The following KCNIP4 variants were observed in gnomAD, a reference collection of about 807,000 sequenced individuals.
The protein encoded by KCNIP4 is potassium voltage-gated channel interacting protein 4.
Under a neutral mutation model 34.0 loss-of-function variants are expected in KCNIP4, and 12 were observed. The observed-to-expected ratio is 0.35, with a 90% CI of 0.23 to 0.57. The LOEUF is 0.57. Ranked by LOEUF, KCNIP4 falls within the 20% of genes least tolerant of loss-of-function variation. The pLI, the probability that KCNIP4 is intolerant of heterozygous loss-of-function variation, is 0.83. For missense variants in KCNIP4, 238 were observed against 311.7 expected, an observed-to-expected ratio of 0.76 and a Z score of 1.78; for synonymous variants, 124 against 102.2, an observed-to-expected ratio of 1.21 and a Z score of -1.29.
chr4:21,935,507 T>C (rs951986031), intron 1 of KCNIP4, among the ~76,000 whole-genome samples: 1 of 152,028 alleles, frequency 6.6e-6, no homozygotes, highest in African/African-American at 2.4e-5. Flanking sequence ...AAATGCTTCT[T>C]CTCAATCCCT....
intron 1 of KCNIP4, among the ~76,000 whole-genome samples, chr4:21,674,760 T>A (rs1749760733): frequency 6.6e-6 from 1 of 152,158 alleles, no homozygotes; most frequent in African/African-American, 2.4e-5. Context: ...CATACCTCAA[T>A]CATCTGTGGA....
At chr4:21,569,138 T>C (rs1740150617) in intron 1 of KCNIP4, among the ~76,000 whole-genome samples, 1 of 149,170 alleles carries the variant, frequency 6.7e-6, no homozygotes, top group Non-Finnish European at 1.5e-5. Context: ...AGCAATACTT[T>C]GTTCAGGCTG....
At chr4:20,977,217 C>T (rs1188015392) in intron 1 of KCNIP4, among the ~76,000 whole-genome samples, 1 of 152,154 alleles carries the variant, frequency 6.6e-6, no homozygotes, top group African/African-American at 2.4e-5. Context: ...CCTATTACAG[C>T]TTTTGTCTCT....
chr4:21,437,727 G>C (rs1441465535), intron 1 of KCNIP4, among the ~76,000 whole-genome samples: 1 of 152,202 alleles, frequency 6.6e-6, no homozygotes, highest in Non-Finnish European at 1.5e-5. Context: ...TCCTAAGCCA[G>C]ATGGTAAAGA....
At chr4:20,935,415 A>T (rs900791330) in intron 1 of KCNIP4, among the ~76,000 whole-genome samples, 4 of 152,112 alleles carry the variant, frequency 2.6e-5, no homozygotes, top group African/African-American at 9.7e-5. Flanking sequence ...CATGGGGATA[A>T]TCTTAGATAC....
chr4:21,196,438 A>G (rs1200740543), intron 1 of KCNIP4, among the ~76,000 whole-genome samples: 1 of 152,140 alleles, frequency 6.6e-6, no homozygotes, highest in African/African-American at 2.4e-5. Context: ...AAATGATACC[A>G]CCCCAGGAAG....
At position 21,372,321 on chromosome 4, in the gene KCNIP4, A is replaced by T. The variant is rs893480397; in HGVS notation, c.62-489612T>A. ...ATATTCAATGTATCAAACTGGATAG[A>T]GAGTTCTTTTTTCAAGTTTTCCAGT... On this transcript the variant is annotated intron_variant, in intron 1 of 8. Coordinates refer to ENST00000382152, the MANE Select transcript of KCNIP4 (RefSeq NM_025221.6). 2.7e-5 allele frequency among the ~76,000 whole-genome samples: 4 copies of T among 146,026 alleles called. 1 individual carries two copies. Among genetic ancestry groups the T allele is most frequent in the African/African-American group, 1.1e-4 (4 of 36,114 alleles).
chr4:21,874,701 T>A (rs899060779), intron 1 of KCNIP4, among the ~76,000 whole-genome samples: 4 of 152,200 alleles, frequency 2.6e-5, no homozygotes, highest in African/African-American at 9.7e-5. Flanking sequence ...AATTGGTAAA[T>A]TGTTCTCTCA....
chr4:21,868,167 G>A (rs1039945423), intron 1 of KCNIP4, among the ~76,000 whole-genome samples: 1 of 152,010 alleles, frequency 6.6e-6, no homozygotes, highest in African/African-American at 2.4e-5. Flanking sequence ...ACTCACAAAG[G>A]CCAACATCAG....
At chr4:21,736,875 AT>A (rs1716027751) in intron 1 of KCNIP4, among the ~76,000 whole-genome samples, 2 of 152,220 alleles carry the variant, frequency 1.3e-5, no homozygotes, top group African/African-American at 4.8e-5. Flanking sequence ...TTTACTAAAT[AT>A]GGTCAGCTAG....
intron 1 of KCNIP4, among the ~76,000 whole-genome samples, chr4:21,814,978 C>A (rs762018055): frequency 1.3e-5 from 2 of 152,278 alleles, no homozygotes; most frequent in African/African-American, 2.4e-5. Flanking sequence ...CTTCTTAAGG[C>A]CATTTTTCAA....
At position 21,464,272 on chromosome 4, in the gene KCNIP4, A is replaced by G. The variant is rs114244520; in HGVS notation, c.61+484299T>C. On this transcript the variant is annotated intron_variant, in intron 1 of 8. Coordinates refer to ENST00000382152, the MANE Select transcript of KCNIP4 (RefSeq NM_025221.6). ...TTGCATTTAGTTTGCTCTTCTTTTT[A>G]TAGTTTTTTAAGTTGTCAGGTTAGA... 8.1e-3 allele frequency among the ~76,000 whole-genome samples: 1,230 copies of G among 151,276 alleles called. 14 individuals are homozygous for G. Among genetic ancestry groups the G allele is most frequent in the African/African-American group, 0.029 (1,183 of 41,248 alleles).
At chr4:21,404,080 A>G (rs1723767019) in intron 1 of KCNIP4, among the ~76,000 whole-genome samples, 1 of 152,136 alleles carries the variant, frequency 6.6e-6, no homozygotes, top group Admixed American at 6.6e-5. Context: ...TGAATGCTCC[A>G]AGCACACTCC....
chr4:21,819,723 G>A (rs1054339057), intron 1 of KCNIP4, among the ~76,000 whole-genome samples: 1 of 152,124 alleles, frequency 6.6e-6, no homozygotes, highest in East Asian at 1.9e-4. Flanking sequence ...GTGCTGTGGG[G>A]TAAGGGAGAG....
chr4:20,750,312 A>C (rs1753374428), intron 4 of KCNIP4, among the ~76,000 whole-genome samples: 3 of 152,112 alleles, frequency 2.0e-5, no homozygotes, highest in Non-Finnish European at 4.4e-5. Context: ...AGCCAGTACC[A>C]GGCTAGCCCA....
intron 1 of KCNIP4, among the ~76,000 whole-genome samples, chr4:21,050,196 A>T (rs1283753629): frequency 6.6e-6 from 1 of 152,212 alleles, no homozygotes; most frequent in Non-Finnish European, 1.5e-5. Flanking sequence ...TTTTTAAGCC[A>T]TTTTGGTCTA....
intron 3 of KCNIP4, among the ~76,000 whole-genome samples, chr4:20,805,126 G>T (rs1018628554): frequency 4.0e-5 from 6 of 148,754 alleles, no homozygotes; most frequent in African/African-American, 1.5e-4. Context: ...GGAGAATGTA[G>T]GCAAAAGGAA....
At chr4:21,293,438 T>A (rs147562489) in intron 1 of KCNIP4, among the ~76,000 whole-genome samples, 1 of 152,352 alleles carries the variant, frequency 6.6e-6, no homozygotes, top group East Asian at 1.9e-4. Flanking sequence ...TCAACTGAGT[T>A]TCTTAGCCAA....
chr4:20,907,862 C>T (rs924853749), intron 1 of KCNIP4, among the ~76,000 whole-genome samples: 7 of 151,594 alleles, frequency 4.6e-5, no homozygotes, highest in South Asian at 2.1e-4. Context: ...GGACTACAGG[C>T]GCCCGCATGA....
Sources: allele counts gnomAD v4.1 joint callset (sites outside exome capture counted in the v4.1 genomes callset), GRCh38; gene constraint gnomAD v4.1.1; transcripts MANE v1.5; gene names NCBI Gene and HGNC (gene_info 2026-07-23, HGNC 2026-07-21).